The following SYNJ2 variants were observed in gnomAD, a reference collection of about 807,000 sequenced individuals.
SYNJ2 encodes synaptojanin 2, also known as polyphosphatidylinositol phosphatase SYNJ2.
A neutral mutation model predicts 141.3 loss-of-function variants in SYNJ2; 116 were observed. The ratio of observed to expected loss-of-function variants is 0.82; its 90% CI spans 0.71 to 0.96. SYNJ2 has a LOEUF of 0.96. SYNJ2 is among the 40% of genes least tolerant of loss of function. The probability of loss-of-function intolerance (pLI) is 0.00; values close to 1 mark genes in which losing one functional copy is unlikely to be tolerated. For missense variants in SYNJ2, 1,873 were observed against 1,934.8 expected, an observed-to-expected ratio of 0.97 and a Z score of 0.60; for synonymous variants, 745 against 777.7, an observed-to-expected ratio of 0.96 and a Z score of 0.70.
intron 1 of SYNJ2, among the ~76,000 whole-genome samples, chr6:157,993,385 A>G (rs532948155): frequency 6.6e-6 from 1 of 152,084 alleles, no homozygotes; most frequent in East Asian, 1.9e-4. Flanking sequence ...GGATTATTAG[A>G]TTTTTTTCCT....
chr6:157,987,746 G>A (rs1777260268), intron 1 of SYNJ2, among the ~76,000 whole-genome samples: 1 of 152,202 alleles, frequency 6.6e-6, no homozygotes, highest in South Asian at 2.1e-4. Context: ...CTCTCCTAGT[G>A]ATTTCAAAAT....
At chr6:158,047,799 A>AAAAAAAAAAC (rs1562355896) in intron 5 of SYNJ2, among the ~76,000 whole-genome samples, 1 of 149,806 alleles carries the variant, frequency 6.7e-6, no homozygotes, top group African/African-American at 2.5e-5. Flanking sequence ...AAAAAAAAAA[A>AAAAAAAAAAC]AAAAAACACA....
intron 26 of SYNJ2, among the ~76,000 whole-genome samples, chr6:158,095,183 C>T (rs1298876221): frequency 6.6e-6 from 1 of 151,916 alleles, no homozygotes; most frequent in Non-Finnish European, 1.5e-5. Flanking sequence ...GAAAGTATAT[C>T]CATTAGTCCT....
intron 1 of SYNJ2, chr6:158,001,661 G>T (rs1777867829): frequency 6.6e-6 from 1 of 152,398 alleles, no homozygotes; most frequent in African/African-American, 2.4e-5. Flanking sequence ...GCCTCCCAAA[G>T]TGCTGGGATT....
chr6:158,093,873 C>A, intron 26 of SYNJ2: 1 of 764,532 alleles, frequency 1.3e-6, no homozygotes, highest in Non-Finnish European at 2.4e-6. Context: ...GCTTTTCTTG[C>A]CACTTTTCTT....
In SYNJ2 at chr6:158,098,748, T is replaced by C. The variant is rs1318032163; in HGVS notation, c.*2384T>C. The C allele has an allele frequency of 6.6e-6, 1 of 152,244 alleles. No individual in the cohort carries two copies. Among genetic ancestry groups the C allele is most frequent in the Non-Finnish European group, 1.5e-5 (1 of 68,054 alleles). The allele number at this position is 152,244 out of a possible 1,614,324, so 9.4% of individuals were successfully genotyped here. A position where few individuals can be genotyped will look rare whatever the true frequency, so the allele number is the denominator to read the frequency against. ...TTCTTATTGTGACCTTGTAGCCTAT[T>C]TTGTTCCTGCTGTTCTCTAACATGG... is the stretch of plus-strand genomic sequence containing the variant. On this transcript the variant is annotated 3_prime_UTR_variant, in exon 27 of 27. Coordinates refer to ENST00000355585, the MANE Select transcript of SYNJ2 (RefSeq NM_003898.4).
chr6:158,040,777 C>T lies in SYNJ2; in HGVS notation c.712-2539C>T, dbSNP rs1267584320. ...TATGGCCATTAGGTTTCTGTTCCCA[C>T]TGCTCTGGAAGCGTCACTCAGGGTC... On this transcript the variant is annotated intron_variant, in intron 4 of 26. Coordinates refer to ENST00000355585, the MANE Select transcript of SYNJ2 (RefSeq NM_003898.4). The surrounding 1 kb of genome is among the most constrained non-coding windows in gnomAD (Gnocchi z 4.2). Among the ~76,000 whole-genome samples, 3 of 152,182 alleles carry T rather than the reference C, an allele frequency of 2.0e-5. No homozygotes were observed. The highest frequency in any genetic ancestry group is 6.5e-5 in the Admixed American group (1 of 15,276).
chr6:158,064,284 CGG>C (rs1217767140), intron 9 of SYNJ2, among the ~76,000 whole-genome samples: 2 of 104,100 alleles, frequency 1.9e-5, no homozygotes, highest in African/African-American at 7.5e-5. Context: ...GCTGGGGGGT[CGG>C]GGGTAGGGTC....
At chr6:158,067,967 G>C in intron 12 of SYNJ2, 1 of 985,258 alleles carries the variant, frequency 1.0e-6, no homozygotes, top group East Asian at 1.1e-4. Context: ...CTGCAGGAAG[G>C]TGTGCATGTT....
At chr6:158,015,963 A>G (rs1394491826) in intron 1 of SYNJ2, among the ~76,000 whole-genome samples, 1 of 152,126 alleles carries the variant, frequency 6.6e-6, no homozygotes, top group African/African-American at 2.4e-5. Context: ...CATCACCATA[A>G]TCTAATTTTA....
intron 15 of SYNJ2, among the ~76,000 whole-genome samples, chr6:158,072,881 C>G (rs1782023904): frequency 6.6e-6 from 1 of 151,818 alleles, no homozygotes; most frequent in African/African-American, 2.4e-5. Flanking sequence ...ACCAGCCTGG[C>G]CAACGTGGTG....
chr6:158,089,193 A>G (rs1266855232), intron 24 of SYNJ2, among the ~76,000 whole-genome samples: 1 of 152,172 alleles, frequency 6.6e-6, no homozygotes, highest in Non-Finnish European at 1.5e-5. Context: ...AAGTTGGGGA[A>G]CACACTAGGA....
chr6:158,038,504 A>G (rs537850127), intron 4 of SYNJ2, among the ~76,000 whole-genome samples: 22 of 152,276 alleles, frequency 1.4e-4, no homozygotes, highest in African/African-American at 5.3e-4. Flanking sequence ...TTGGGTGCCT[A>G]TGTTTCAGGC....
chr6:158,010,117 C>A (rs9365711), intron 1 of SYNJ2, among the ~76,000 whole-genome samples: 99,432 of 151,862 alleles, frequency 0.65, 32,989 homozygotes, highest in Middle Eastern at 0.78. Flanking sequence ...ATGGAGTCTC[C>A]CTGTGTTGCC....
chr6:158,043,650 G>A lies in SYNJ2; in HGVS notation c.795+251G>A, dbSNP rs573118877. 1.3e-4 allele frequency among the ~76,000 whole-genome samples: 20 copies of A among 152,322 alleles called. No individual in the cohort carries two copies. The highest frequency in any genetic ancestry group is 3.6e-4 in the African/African-American group (15 of 41,566). Reference sequence around the variant, plus strand: ...GTCGTCAAGGATGCTGTGTGAAACCGCTGACTCGGGAACGGTGCTGCGGTG... The same window carrying A: ...GTCGTCAAGGATGCTGTGTGAAACCACTGACTCGGGAACGGTGCTGCGGTG... On this transcript the variant is annotated intron_variant, in intron 5 of 26. Coordinates refer to ENST00000355585, the MANE Select transcript of SYNJ2 (RefSeq NM_003898.4). This position sits in a 1 kb window ranked among gnomAD's most constrained non-coding sequence, Gnocchi z 4.0.
At chr6:158,080,906 C>A (rs981434433) in intron 18 of SYNJ2, among the ~76,000 whole-genome samples, 12 of 152,252 alleles carry the variant, frequency 7.9e-5, no homozygotes, top group African/African-American at 2.2e-4. Context: ...CAGAGCAGGG[C>A]AGCTAGCCTG....
chr6:158,020,971 C>T (rs1337877424), intron 2 of SYNJ2, among the ~76,000 whole-genome samples: 1 of 152,194 alleles, frequency 6.6e-6, no homozygotes, highest in African/African-American at 2.4e-5. Context: ...CAAAGTTCCC[C>T]TTTCCTTCCT....
Position 158,040,399 on chromosome 6 carries a change from G to C in SYNJ2, c.712-2917G>C, listed in dbSNP as rs193177706. Among the ~76,000 whole-genome samples the C allele has an allele frequency of 1.1e-4, 16 of 152,262 alleles. No individual in the cohort carries two copies. Among genetic ancestry groups the C allele is most frequent in the African/African-American group, 3.9e-4 (16 of 41,552 alleles). On this transcript the variant is annotated intron_variant, in intron 4 of 26. Coordinates refer to ENST00000355585, the MANE Select transcript of SYNJ2 (RefSeq NM_003898.4). This position sits in a 1 kb window ranked among gnomAD's most constrained non-coding sequence, Gnocchi z 4.2. The stretch of plus-strand genomic sequence containing the variant: ...GCACGCACAGATGTTGTGTACATGT[G>C]TAGATAGCATCTCAGCCTCCTTGGG...
At chr6:158,095,593 C>T in intron 26 of SYNJ2, 25 bp from the exon 27 acceptor site, 1 of 1,554,324 alleles carries the variant, frequency 6.4e-7, no homozygotes, top group Non-Finnish European at 8.7e-7. Context: ...TTCTTATTTA[C>T]ACTCTTTGTC....
Sources: allele counts gnomAD v4.1 joint callset (sites outside exome capture counted in the v4.1 genomes callset), GRCh38; gene constraint gnomAD v4.1.1; non-coding constraint Gnocchi (gnomAD v3.1); transcripts MANE v1.5; gene names NCBI Gene and HGNC (gene_info 2026-07-23, HGNC 2026-07-21).